The following ABCA5 variants were observed in gnomAD, a reference collection of about 807,000 sequenced individuals.
ABCA5 encodes cholesterol transporter ABCA5.
ABCA5 carries 163 observed loss-of-function variants against 206.0 expected under a neutral mutation model. That is an observed-to-expected ratio of 0.79 (90% CI 0.70 to 0.90). ABCA5 has a LOEUF of 0.90. Ranked by LOEUF, ABCA5 falls within the 40% of genes least tolerant of loss-of-function variation. The probability of loss-of-function intolerance (pLI) is 0.00; values close to 1 mark genes in which losing one functional copy is unlikely to be tolerated. For missense variants in ABCA5, 1,859 were observed against 1,912.9 expected (o/e 0.97, Z 0.53); for synonymous variants, 609 against 613.8 (o/e 0.99, Z 0.11).
At chr17:69,309,231 T>G in intron 4 of ABCA5, 31 bp downstream of exon 4, 1 of 1,485,650 alleles carries the variant, frequency 6.7e-7, no homozygotes, top group Non-Finnish European at 9.0e-7. Flanking sequence ...TGCATTTAAT[T>G]GATCTTCAAT....
chr17:69,263,828 C>G (rs1187657820), intron 24 of ABCA5, among the ~76,000 whole-genome samples: 1 of 151,812 alleles, frequency 6.6e-6, no homozygotes, highest in African/African-American at 2.4e-5. Context: ...TCCTGAGTAG[C>G]TGGGACTACA....
At chr17:69,315,743 G>A (rs1179806678) in intron 1 of ABCA5, among the ~76,000 whole-genome samples, 5 of 147,190 alleles carry the variant, frequency 3.4e-5, no homozygotes, top group Non-Finnish European at 5.9e-5. Context: ...AGATTGCACC[G>A]CTTCACACCA....
At chr17:69,283,279 C>T (rs575754060) in intron 18 of ABCA5, among the ~76,000 whole-genome samples, 116 of 152,190 alleles carry the variant, frequency 7.6e-4, no homozygotes, top group Admixed American at 2.0e-3. Context: ...CCACTGCGCC[C>T]GGCCTCCCTA....
chr17:69,284,508 AAAT>A (rs1200197067), intron 17 of ABCA5, among the ~76,000 whole-genome samples: 2 of 152,160 alleles, frequency 1.3e-5, no homozygotes, highest in Middle Eastern at 3.2e-3. Context: ...TTGAATAATA[AAAT>A]AAATATGTAC....
Position 69,256,182 on chromosome 17 carries a change from A to C in ABCA5, c.3833T>G (p.Leu1278Arg). ...CTCCTCACAACACTGGCAACCCATC[A>C]GCTCTTTGACCTTTAGTCTTTCAGC... ...VKAERLKVKE[L>R]MGCQCCEEKP... is the part of the protein sequence containing the mutation. The change falls in exon 29 of 39, where the codon CTG becomes CGG. Residue 1278 changes from leucine (L) to arginine (R), a missense_variant. By Grantham distance (102) the Leu-to-Arg change is moderately radical (BLOSUM62 -2). Transcript: ENST00000392676. The C allele has an allele frequency of 6.2e-7, 1 of 1,607,866 alleles. No homozygotes were observed. The highest frequency in any genetic ancestry group is 8.5e-7 in the Non-Finnish European group (1 of 1,177,102).
At chr17:69,268,113 T>C in intron 22 of ABCA5, 57 bp from the exon 23 acceptor site, 1 of 615,034 alleles carries the variant, frequency 1.6e-6, no homozygotes, top group South Asian at 1.8e-5. Flanking sequence ...TATCTTAAGA[T>C]ATATCTTAGG....
At chr17:69,310,739 G>C (rs1383266223) in intron 3 of ABCA5, among the ~76,000 whole-genome samples, 1 of 152,164 alleles carries the variant, frequency 6.6e-6, no homozygotes, top group Non-Finnish European at 1.5e-5. Context: ...TGGTGAAATG[G>C]AAAGAATATA....
At chr17:69,276,232 G>C (rs550706258) in intron 19 of ABCA5, among the ~76,000 whole-genome samples, 1 of 151,686 alleles carries the variant, frequency 6.6e-6, no homozygotes, top group African/African-American at 2.4e-5. Flanking sequence ...GACTACAGGC[G>C]CCCACCACCA....
At chr17:69,283,859 T>C in intron 18 of ABCA5, 94 bp downstream of exon 18, 1 of 1,259,806 alleles carries the variant, frequency 7.9e-7, no homozygotes, top group Non-Finnish European at 1.1e-6. Flanking sequence ...CCCTTTATTC[T>C]AAAAAAAATA....
At chr17:69,319,607 G>C (rs1438008656) in intron 1 of ABCA5, among the ~76,000 whole-genome samples, 2 of 152,090 alleles carry the variant, frequency 1.3e-5, no homozygotes, top group Admixed American at 1.3e-4. Flanking sequence ...AGACTGGATG[G>C]AAGTCAAGGA....
At chr17:69,295,108 AG>A (rs1408594071) in intron 10 of ABCA5, among the ~76,000 whole-genome samples, 1 of 152,128 alleles carries the variant, frequency 6.6e-6, no homozygotes, top group African/African-American at 2.4e-5. Flanking sequence ...AGAAATTATA[AG>A]GAAAAAATAT....
intron 14 of ABCA5, 95 bp downstream of exon 14, chr17:69,289,082 T>C: frequency 3.2e-6 from 4 of 1,246,818 alleles, no homozygotes; most frequent in Non-Finnish European, 4.3e-6. Flanking sequence ...TATGTACACT[T>C]AACCTTTACA....
chr17:69,307,559 T>C (rs1306925151), intron 5 of ABCA5, among the ~76,000 whole-genome samples: 1 of 152,080 alleles, frequency 6.6e-6, no homozygotes, highest in African/African-American at 2.4e-5. Context: ...TACAACATCA[T>C]CAATGTAATA....
At chr17:69,254,754 G>A (rs982007509) in intron 31 of ABCA5, among the ~76,000 whole-genome samples, 1 of 152,014 alleles carries the variant, frequency 6.6e-6, no homozygotes, top group African/African-American at 2.4e-5. Context: ...GAATTCCTGA[G>A]CTCAAGTGAT....
chr17:69,286,748 C>T (rs553846472), intron 15 of ABCA5, among the ~76,000 whole-genome samples: 2 of 152,174 alleles, frequency 1.3e-5, no homozygotes, highest in African/African-American at 2.4e-5. Context: ...AAAGGTACTA[C>T]TGAAGACATG....
At chr17:69,270,231 T>C (rs1213528530) in intron 22 of ABCA5, among the ~76,000 whole-genome samples, 1 of 152,130 alleles carries the variant, frequency 6.6e-6, no homozygotes, top group Non-Finnish European at 1.5e-5. Context: ...TTGATTCTGA[T>C]ATGTACAATC....
At chr17:69,311,727 G>C (rs992675515) in intron 3 of ABCA5, among the ~76,000 whole-genome samples, 2 of 152,046 alleles carry the variant, frequency 1.3e-5, no homozygotes, top group Non-Finnish European at 2.9e-5. Flanking sequence ...CCTGACCTCA[G>C]GTGATCTGCT....
At chr17:69,312,074 C>T (rs1181043500) in intron 3 of ABCA5, among the ~76,000 whole-genome samples, 1 of 152,136 alleles carries the variant, frequency 6.6e-6, no homozygotes, top group Non-Finnish European at 1.5e-5. Flanking sequence ...AATGCGATGA[C>T]ATATAAGCTA....
intron 29 of ABCA5, 37 bp from the exon 30 acceptor site, chr17:69,255,887 A>G (rs2075072684): frequency 1.4e-6 from 2 of 1,476,096 alleles, no homozygotes; most frequent in African/African-American, 1.4e-5. Flanking sequence ...GAAAGTTATA[A>G]AACTTATCAT....
Sources: allele counts gnomAD v4.1 joint callset (sites outside exome capture counted in the v4.1 genomes callset), GRCh38; gene constraint gnomAD v4.1.1; transcripts MANE v1.5; gene names NCBI Gene and HGNC (gene_info 2026-07-23, HGNC 2026-07-21).